Variants in SAMMSON observed in about 807,000 individuals in gnomAD.
The protein encoded by SAMMSON is survival associated mitochondrial melanoma specific oncogenic non-coding RNA.
intron 4 of SAMMSON, among the ~76,000 whole-genome samples, chr3:70,208,722 G>A (rs1701313575): frequency 6.6e-6 from 1 of 152,012 alleles, no homozygotes; most frequent in Non-Finnish European, 1.5e-5. Flanking sequence ...ATCTTAAGAT[G>A]GTTGCTTTCC....
chr3:70,367,309 T>TA (rs1295897562), intron 9 of SAMMSON, among the ~76,000 whole-genome samples: 3 of 151,642 alleles, frequency 2.0e-5, no homozygotes, highest in Non-Finnish European at 3.0e-5. Context: ...AATCTTTTTT[T>TA]ACCCATCTTT....
intron 7 of SAMMSON, among the ~76,000 whole-genome samples, chr3:70,312,398 G>T (rs1702461523): frequency 6.6e-6 from 1 of 152,174 alleles, no homozygotes; most frequent in Non-Finnish European, 1.5e-5. Context: ...GAATTTATTG[G>T]GTGGGAATAA....
At chr3:70,297,748 G>T (rs1702303833) in intron 7 of SAMMSON, among the ~76,000 whole-genome samples, 1 of 151,844 alleles carries the variant, frequency 6.6e-6, no homozygotes, top group Admixed American at 6.6e-5. Context: ...TAAGAAGTCA[G>T]GTAATTTGTA....
intron 7 of SAMMSON, among the ~76,000 whole-genome samples, chr3:70,300,226 C>G (rs1484479573): frequency 1.3e-5 from 2 of 152,082 alleles, no homozygotes; most frequent in African/African-American, 4.8e-5. Flanking sequence ...GGTAAACAAG[C>G]CAGAAACGCC....
chr3:70,319,173 C>T (rs951273888), intron 7 of SAMMSON, among the ~76,000 whole-genome samples: 2 of 152,080 alleles, frequency 1.3e-5, no homozygotes, highest in African/African-American at 4.8e-5. Context: ...CATAACCCTA[C>T]ACTGCAAATT....
At chr3:70,025,939 TGAG>T (rs1222325082) in intron 3 of SAMMSON, among the ~76,000 whole-genome samples, 6 of 152,018 alleles carry the variant, frequency 3.9e-5, no homozygotes, top group Non-Finnish European at 7.4e-5. Context: ...TTGAGTAGGC[TGAG>T]GAGGAGGAGG....
At chr3:70,272,071 C>T (rs187749140) in intron 6 of SAMMSON, 20 of 152,302 alleles carry the variant, frequency 1.3e-4, no homozygotes, top group African/African-American at 3.4e-4. Context: ...CTATGGCTAA[C>T]ACTTTTTTAA....
chr3:70,281,027 T>A (rs1292275127), intron 6 of SAMMSON, among the ~76,000 whole-genome samples: 1 of 152,216 alleles, frequency 6.6e-6, no homozygotes, highest in African/African-American at 2.4e-5. Context: ...ATTTCCTTTG[T>A]ATCTTTGGGT....
intron 3 of SAMMSON, among the ~76,000 whole-genome samples, chr3:70,027,726 A>G (rs539373980): frequency 1.4e-4 from 22 of 152,210 alleles, no homozygotes; most frequent in Non-Finnish European, 2.9e-4. Flanking sequence ...CCATCTTAGA[A>G]GCCATACATC....
At chr3:70,019,961 G>C (rs9873906) in intron 3 of SAMMSON, among the ~76,000 whole-genome samples, 18 of 152,224 alleles carry the variant, frequency 1.2e-4, no homozygotes, top group African/African-American at 4.1e-4. Flanking sequence ...AATCCTCTCT[G>C]TGAAGAAATG....
At chr3:70,388,498 A>G (rs1451425456) in intron 9 of SAMMSON, among the ~76,000 whole-genome samples, 1 of 152,158 alleles carries the variant, frequency 6.6e-6, no homozygotes, top group Non-Finnish European at 1.5e-5. Context: ...ACTATAATCC[A>G]AAAGATAATC....
chr3:70,304,426 C>T (rs921501523), intron 7 of SAMMSON, among the ~76,000 whole-genome samples: 52 of 152,160 alleles, frequency 3.4e-4, no homozygotes, highest in African/African-American at 1.2e-3. Context: ...CATGGGGATA[C>T]CTCAGAGGCA....
chr3:70,138,133 TG>T (rs2067513532), intron 4 of SAMMSON, among the ~76,000 whole-genome samples: 1 of 152,214 alleles, frequency 6.6e-6, no homozygotes, highest in African/African-American at 2.4e-5. Flanking sequence ...TGTAAAAGCA[TG>T]CTGATTGTAG....
At chr3:70,182,210 A>G (rs1462167288) in intron 4 of SAMMSON, among the ~76,000 whole-genome samples, 1 of 151,786 alleles carries the variant, frequency 6.6e-6, no homozygotes, top group East Asian at 1.9e-4. Flanking sequence ...TATCTCCCCA[A>G]CCCCCGCCCC....
chr3:70,029,637 C>T lies in SAMMSON; in HGVS notation n.417+15965C>T, dbSNP rs2067056928. Among the ~76,000 whole-genome samples, 4 of 151,748 alleles carry T rather than the reference C, an allele frequency of 2.6e-5. No homozygotes were observed. The South Asian group carries it at 8.3e-4, about 32-fold the overall frequency. On this transcript the variant is annotated intron_variant and non_coding_transcript_variant, in intron 3 of 9. Coordinates refer to ENST00000642114, the Ensembl canonical transcript of SAMMSON. ...AGGCTTGGTGGCATGTGCCTGTAGT[C>T]CCAACTGCTTGGGAGGCTGAGGCAC... is the stretch of plus-strand genomic sequence containing the variant.
chr3:70,044,711 C>T (rs970443489), intron 3 of SAMMSON, among the ~76,000 whole-genome samples: 2 of 151,478 alleles, frequency 1.3e-5, no homozygotes, highest in Non-Finnish European at 2.9e-5. Flanking sequence ...ACTGGAAGTT[C>T]TTCTAAGCAA....
At chr3:70,026,376 C>G (rs2067037117) in intron 3 of SAMMSON, among the ~76,000 whole-genome samples, 1 of 152,058 alleles carries the variant, frequency 6.6e-6, no homozygotes, top group African/African-American at 2.4e-5. Context: ...TTCCTTCTTT[C>G]TACTTTTTCC....
At chr3:70,239,476 C>A (rs1233257190) in intron 4 of SAMMSON, among the ~76,000 whole-genome samples, 1 of 152,064 alleles carries the variant, frequency 6.6e-6, no homozygotes, top group East Asian at 1.9e-4. Flanking sequence ...TCTTGAAGTT[C>A]ATGGTTTGAT....
chr3:70,246,007 A>G (rs528793499), intron 4 of SAMMSON, among the ~76,000 whole-genome samples: 2 of 151,730 alleles, frequency 1.3e-5, no homozygotes, highest in African/African-American at 4.8e-5. Context: ...CATTTATATA[A>G]CAATAACTTG....
Sources: gnomAD v4.1 joint callset for allele counts (sites outside exome capture counted in the v4.1 genomes callset) on GRCh38, gnomAD v4.1.1 for gene constraint, MANE v1.5 for transcripts, NCBI Gene and HGNC (gene_info 2026-07-23, HGNC 2026-07-21) for gene names.